Variants in BCAR3 observed in about 807,000 individuals in gnomAD.
The protein encoded by BCAR3 is breast cancer anti-estrogen resistance protein 3.
Under a neutral mutation model 80.1 loss-of-function variants are expected in BCAR3, and 37 were observed. The ratio of observed to expected loss-of-function variants is 0.46; its 90% CI spans 0.36 to 0.61. The LOEUF (loss-of-function observed/expected upper bound fraction) is 0.61, where lower values mean the gene tolerates loss of function less well. Among genes scored for constraint, BCAR3 ranks in the 20% least tolerant of loss-of-function variants. The pLI is 0.00. For missense variants in BCAR3, 978 were observed against 1,068.2 expected (o/e 0.92, Z 1.18); for synonymous variants, 389 against 418.9 (o/e 0.93, Z 0.87).
At chr1:93,838,317 C>T (rs1262783430) in intron 2 of BCAR3, among the ~76,000 whole-genome samples, 1 of 152,178 alleles carries the variant, frequency 6.6e-6, no homozygotes, top group Non-Finnish European at 1.5e-5. Flanking sequence ...GGGAGAAAAA[C>T]CTGAGGAGCA....
At chr1:93,611,118 A>G (rs1261392440) in intron 3 of BCAR3, among the ~76,000 whole-genome samples, 3 of 152,206 alleles carry the variant, frequency 2.0e-5, no homozygotes, top group Non-Finnish European at 4.4e-5. Flanking sequence ...AAGTCTTCAT[A>G]GCATAGAGAG....
intron 3 of BCAR3, among the ~76,000 whole-genome samples, chr1:93,601,895 A>G (rs1243543903): frequency 2.0e-5 from 3 of 152,176 alleles, no homozygotes; most frequent in Non-Finnish European, 4.4e-5. Flanking sequence ...CCGGAATGCT[A>G]TCAGGGTTCT....
chr1:93,622,035 C>T lies in BCAR3; in HGVS notation c.357+20269G>A, dbSNP rs549381540. Among the ~76,000 whole-genome samples, 353 of 152,220 alleles carry T rather than the reference C, an allele frequency of 2.3e-3. 2 individuals carry two copies. The highest frequency in any genetic ancestry group is 8.3e-3 in the African/African-American group (343 of 41,554). On this transcript the variant is annotated intron_variant, in intron 3 of 11. Coordinates refer to ENST00000260502, the MANE Select transcript of BCAR3 (RefSeq NM_003567.4). ...TACAGGCACCCGCCACCATGCCTGG[C>T]TAATTTTTGTATTTTTAGTAGAGAT...
intron 3 of BCAR3, among the ~76,000 whole-genome samples, chr1:93,693,135 T>TC (rs1301352772): frequency 6.6e-6 from 1 of 152,002 alleles, no homozygotes; most frequent in Admixed American, 6.6e-5. Context: ...TTAACAAGCC[T>TC]CCCAGTGACC....
intron 3 of BCAR3, among the ~76,000 whole-genome samples, chr1:93,611,697 T>C (rs1674955088): frequency 6.6e-6 from 1 of 152,164 alleles, no homozygotes; most frequent in South Asian, 2.1e-4. Flanking sequence ...ACATCCTAAA[T>C]TCTGTAAGAC....
At chr1:93,709,665 T>C (rs991817115) in intron 2 of BCAR3, among the ~76,000 whole-genome samples, 45 of 152,146 alleles carry the variant, frequency 3.0e-4, no homozygotes, top group African/African-American at 1.1e-3. Context: ...GAGGGGAATA[T>C]CTCCTAGACT....
intron 2 of BCAR3, among the ~76,000 whole-genome samples, chr1:93,674,102 TA>T (rs1304304863): frequency 6.6e-6 from 1 of 152,128 alleles, no homozygotes; most frequent in African/African-American, 2.4e-5. Flanking sequence ...CCAGATGAAA[TA>T]ATATGAAATC....
At chr1:93,717,461 A>G (rs1650227838) in intron 2 of BCAR3, among the ~76,000 whole-genome samples, 1 of 152,190 alleles carries the variant, frequency 6.6e-6, no homozygotes, top group African/African-American at 2.4e-5. Flanking sequence ...GCAGTGGCTC[A>G]CGCCTGTAAT....
At chr1:93,677,360 C>T (rs573751935) in intron 1 of BCAR3, among the ~76,000 whole-genome samples, 3 of 152,286 alleles carry the variant, frequency 2.0e-5, no homozygotes, top group Non-Finnish European at 4.4e-5. Context: ...GAAGCATTTC[C>T]CAGAAGCAAC....
At chr1:93,730,164 T>C (rs532917202) in intron 2 of BCAR3, among the ~76,000 whole-genome samples, 4 of 152,280 alleles carry the variant, frequency 2.6e-5, no homozygotes, top group African/African-American at 9.6e-5. Flanking sequence ...TTAACACATA[T>C]TATTCTCGCC....
At chr1:93,740,278 C>G (rs1651132201) in intron 2 of BCAR3, among the ~76,000 whole-genome samples, 1 of 152,222 alleles carries the variant, frequency 6.6e-6, no homozygotes, top group Non-Finnish European at 1.5e-5. Flanking sequence ...CAGAGATGTT[C>G]TTTCCCACAG....
At chr1:93,712,537 G>T (rs1228341079) in intron 2 of BCAR3, among the ~76,000 whole-genome samples, 1 of 152,154 alleles carries the variant, frequency 6.6e-6, no homozygotes, top group Admixed American at 6.5e-5. Context: ...TCACTGTCTA[G>T]GTCCATGTAA....
intron 2 of BCAR3, among the ~76,000 whole-genome samples, chr1:93,760,224 G>C (rs1432037169): frequency 6.6e-6 from 1 of 152,158 alleles, no homozygotes; most frequent in Non-Finnish European, 1.5e-5. Context: ...GGTCATCTAA[G>C]AGACAAATAG....
intron 2 of BCAR3, among the ~76,000 whole-genome samples, chr1:93,807,049 G>A (rs1343535003): frequency 1.3e-5 from 2 of 152,004 alleles, no homozygotes; most frequent in African/African-American, 2.4e-5. Flanking sequence ...AGGCTGCAGT[G>A]AGAGGAGATC....
At chr1:93,652,415 G>A (rs568130123) in intron 2 of BCAR3, among the ~76,000 whole-genome samples, 2 of 152,142 alleles carry the variant, frequency 1.3e-5, no homozygotes, top group South Asian at 2.1e-4. Flanking sequence ...CCACCCAATC[G>A]CTGCTAACCA....
intron 4 of BCAR3, among the ~76,000 whole-genome samples, chr1:93,591,474 C>CA (rs1325849414): frequency 2.0e-5 from 3 of 151,394 alleles, no homozygotes; most frequent in Admixed American, 6.6e-5. Context: ...GACTCTGTCT[C>CA]AAAAAAAAGA....
intron 3 of BCAR3, among the ~76,000 whole-genome samples, chr1:93,597,737 C>T (rs1427593646): frequency 4.6e-5 from 7 of 152,188 alleles, no homozygotes; most frequent in Admixed American, 3.9e-4. Flanking sequence ...AGGTCTGATG[C>T]AGGAGGCTGA....
chr1:93,571,761 C>T lies in BCAR3; in HGVS notation c.1883G>A (p.Ser628Asn), dbSNP rs1385494560. 3.1e-6 allele frequency: 5 copies of T among 1,614,050 alleles called. No homozygotes were observed. The highest frequency in any genetic ancestry group is 4.2e-6 in the Non-Finnish European group (5 of 1,180,040). Residue 628 changes from serine to asparagine, a missense_variant, in exon 9 of 12, where the codon AGT (serine) becomes AAT (asparagine). Ser to Asn is a conservative substitution (Grantham distance 46). Transcript: ENST00000260502. Reference protein sequence around the residue: ...GTLEDRAATLSKIIQVAVELK... With the variant: ...GTLEDRAATLNKIIQVAVELK... ...TTCCACCGCCACCTGGATGATCTTA[C>T]TCAGAGTGGCCGCTCGGTCCTCCAA... is the stretch of plus-strand genomic sequence containing the variant.
At chr1:93,593,117 G>T (rs1423656581) in intron 3 of BCAR3, among the ~76,000 whole-genome samples, 1 of 152,178 alleles carries the variant, frequency 6.6e-6, no homozygotes, top group Non-Finnish European at 1.5e-5. Context: ...TGAGTGCTGG[G>T]TGGACAGCGG....
Sources: allele counts gnomAD v4.1 joint callset (sites outside exome capture counted in the v4.1 genomes callset), GRCh38; gene constraint gnomAD v4.1.1; transcripts MANE v1.5; gene names NCBI Gene and HGNC (gene_info 2026-07-23, HGNC 2026-07-21).